Variants in MIPOL1 observed in about 807,000 individuals in gnomAD.
MIPOL1 encodes mirror-image polydactyly gene 1 protein.
In MIPOL1, 57 loss-of-function variants were observed where a neutral mutation model predicts 60.9. That is an observed-to-expected ratio of 0.94 (90% CI 0.76 to 1.17). MIPOL1 has a LOEUF of 1.17. Among genes scored for constraint, MIPOL1 ranks in the 50% most tolerant of loss-of-function variants. The probability of loss-of-function intolerance (pLI) is 0.00; values close to 1 mark genes in which losing one functional copy is unlikely to be tolerated. For synonymous variants in MIPOL1, 179 were observed against 168.8 expected (o/e 1.06, Z -0.47); for missense variants, 551 against 511.6 (o/e 1.08, Z -0.74).
chr14:37,420,813 G>A (rs990939734), intron 10 of MIPOL1, among the ~76,000 whole-genome samples: 8 of 152,088 alleles, frequency 5.3e-5, no homozygotes, highest in African/African-American at 1.9e-4. Context: ...TCTTATACCC[G>A]AGGTGATGGG....
chr14:37,365,091 G>GT (rs2092424339), intron 9 of MIPOL1, among the ~76,000 whole-genome samples: 4 of 152,044 alleles, frequency 2.6e-5, no homozygotes, highest in Admixed American at 1.3e-4. Context: ...AATTCTAACA[G>GT]TTTTTTTGTG....
intron 9 of MIPOL1, 116 bp from the exon 10 acceptor site, chr14:37,369,401 A>AG: frequency 3.4e-6 from 2 of 587,446 alleles, no homozygotes; most frequent in East Asian, 6.0e-5. Context: ...TCTTGTTGCA[A>AG]AAAAAAAACC....
intron 11 of MIPOL1, among the ~76,000 whole-genome samples, chr14:37,464,050 A>G (rs186318938): frequency 2.0e-5 from 3 of 152,374 alleles, no homozygotes; most frequent in East Asian, 3.9e-4. Flanking sequence ...AATTAAAACC[A>G]CTATAAGATA....
chr14:37,202,720 T>A (rs1036576509), intron 1 of MIPOL1, among the ~76,000 whole-genome samples: 3 of 152,316 alleles, frequency 2.0e-5, no homozygotes, highest in South Asian at 4.1e-4. Context: ...ATTGTAGTCA[T>A]TAGCTTCTGA....
intron 11 of MIPOL1, among the ~76,000 whole-genome samples, chr14:37,489,355 T>C (rs189803673): frequency 5.9e-5 from 9 of 152,276 alleles, no homozygotes; most frequent in Admixed American, 2.0e-4. Context: ...TCCTCTAACC[T>C]TTTTTCAAGG....
chr14:37,210,339 C>G (rs9322977), intron 1 of MIPOL1, among the ~76,000 whole-genome samples: 68,191 of 151,586 alleles, frequency 0.45, 17,808 homozygotes, highest in African/African-American at 0.73. Flanking sequence ...CACAAGTTAG[C>G]GTTCCCATTA....
At chr14:37,432,515 C>G (rs1373641621) in intron 11 of MIPOL1, among the ~76,000 whole-genome samples, 1 of 151,978 alleles carries the variant, frequency 6.6e-6, no homozygotes, top group Non-Finnish European at 1.5e-5. Flanking sequence ...TGACATGAAC[C>G]TAGTCCAGCA....
chr14:37,458,130 G>A (rs1432338158), intron 11 of MIPOL1, among the ~76,000 whole-genome samples: 2 of 151,466 alleles, frequency 1.3e-5, no homozygotes, highest in African/African-American at 4.8e-5. Context: ...ACAAAAAGAT[G>A]TAACTATCCT....
At position 37,320,172 on chromosome 14, in the gene MIPOL1, T is replaced by C. The variant is rs543454181; in HGVS notation, c.828+11653T>C. Among the ~76,000 whole-genome samples, 5 of 152,284 alleles carry C rather than the reference T, an allele frequency of 3.3e-5. No homozygotes were observed. The South Asian group carries it at 1.0e-3, about 32-fold the overall frequency. On this transcript the variant is annotated intron_variant, in intron 9 of 12. Transcript: ENST00000684589. The stretch of plus-strand genomic sequence containing the variant: ...TAGCATTTATTTATTTTGATACATA[T>C]ACAGGCACATACAAAAGAAAAGAAT...
intron 9 of MIPOL1, among the ~76,000 whole-genome samples, chr14:37,334,720 AT>A (rs1311992032): frequency 6.6e-6 from 1 of 151,942 alleles, no homozygotes; most frequent in Non-Finnish European, 1.5e-5. Context: ...ATCTGTCTAT[AT>A]ATTTGTCTAT....
chr14:37,349,739 A>G (rs143781497), intron 9 of MIPOL1, among the ~76,000 whole-genome samples: 10 of 152,168 alleles, frequency 6.6e-5, no homozygotes, highest in African/African-American at 2.4e-4. Context: ...CTATCATTCT[A>G]TATATTTCAT....
At chr14:37,510,461 T>C (rs1186326995) in intron 12 of MIPOL1, among the ~76,000 whole-genome samples, 1 of 152,180 alleles carries the variant, frequency 6.6e-6, no homozygotes, top group Non-Finnish European at 1.5e-5. Context: ...GATCGCAAAC[T>C]CCTGGGCTGG....
intron 3 of MIPOL1, among the ~76,000 whole-genome samples, chr14:37,251,227 AT>A (rs1178447499): frequency 1.3e-5 from 2 of 151,774 alleles, no homozygotes; most frequent in Admixed American, 1.3e-4. Context: ...TATCTGGCTA[AT>A]TTTTTTAAAA....
chr14:37,288,220 T>C (rs1162721794), intron 7 of MIPOL1, among the ~76,000 whole-genome samples: 1 of 152,032 alleles, frequency 6.6e-6, no homozygotes, highest in South Asian at 2.1e-4. Context: ...TTGCCCAGGC[T>C]GGTCTTGAAC....
intron 9 of MIPOL1, 55 bp from the exon 10 acceptor site, chr14:37,369,462 G>T (rs1595444903): frequency 1.6e-6 from 2 of 1,272,630 alleles, no homozygotes; most frequent in South Asian, 1.3e-5. Flanking sequence ...CATGTGGCTT[G>T]GTGAAAAAAA....
intron 9 of MIPOL1, among the ~76,000 whole-genome samples, chr14:37,344,588 C>T (rs192530724): frequency 6.6e-6 from 1 of 152,160 alleles, no homozygotes; most frequent in East Asian, 1.9e-4. Flanking sequence ...GTTAGCAAAT[C>T]TCAATGCCTA....
chr14:37,254,759 A>T (rs1974653186), intron 3 of MIPOL1, among the ~76,000 whole-genome samples: 1 of 151,752 alleles, frequency 6.6e-6, no homozygotes, highest in South Asian at 2.1e-4. Flanking sequence ...CAGAATTCTT[A>T]CATCTTTGGT....
intron 10 of MIPOL1, among the ~76,000 whole-genome samples, chr14:37,407,604 G>C (rs2093609210): frequency 6.6e-6 from 1 of 152,020 alleles, no homozygotes; most frequent in African/African-American, 2.4e-5. Context: ...AGCTGCTTTA[G>C]TGATTAAACT....
chr14:37,312,335 T>C (rs1240323981), intron 9 of MIPOL1, among the ~76,000 whole-genome samples: 3 of 152,166 alleles, frequency 2.0e-5, no homozygotes, highest in Non-Finnish European at 4.4e-5. Context: ...GGTCTAGAAC[T>C]CCTGACCTCA....
Sources: allele counts gnomAD v4.1 joint callset (sites outside exome capture counted in the v4.1 genomes callset), GRCh38; gene constraint gnomAD v4.1.1; transcripts MANE v1.5; gene names NCBI Gene and HGNC (gene_info 2026-07-23, HGNC 2026-07-21).